Variants in STARD13 observed in about 807,000 individuals in gnomAD.
The protein encoded by STARD13 is StAR related lipid transfer domain containing 13.
STARD13 carries 62 observed loss-of-function variants against 106.4 expected under a neutral mutation model. That is an observed-to-expected ratio of 0.58 (90% CI 0.48 to 0.72). STARD13 has a LOEUF of 0.72. STARD13 is among the 30% of genes least tolerant of loss of function. STARD13 has a pLI of 0.00. For missense variants in STARD13, 1,387 were observed against 1,424.0 expected, an observed-to-expected ratio of 0.97 and a Z score of 0.42; for synonymous variants, 565 against 553.0, an observed-to-expected ratio of 1.02 and a Z score of -0.31.
At chr13:33,224,453 GT>G (rs1469534797) in intron 1 of STARD13, among the ~76,000 whole-genome samples, 1 of 152,174 alleles carries the variant, frequency 6.6e-6, no homozygotes, top group African/African-American at 2.4e-5. Flanking sequence ...GCCACTAAGG[GT>G]TGGCAGTGAG....
the STARD13 span, among the ~76,000 whole-genome samples, chr13:33,618,404 T>C: frequency 6.6e-6 from 1 of 152,200 alleles, no homozygotes; most frequent in Non-Finnish European, 1.5e-5. Context: ...GGGTAAAATA[T>C]AAAGTATGTT....
the STARD13 span, among the ~76,000 whole-genome samples, chr13:33,641,125 C>T: frequency 6.6e-6 from 1 of 152,216 alleles, no homozygotes; most frequent in Non-Finnish European, 1.5e-5. Context: ...GTGTCTAGAT[C>T]CTGCTTGGCC....
the STARD13 span, among the ~76,000 whole-genome samples, chr13:33,520,341 A>G: frequency 6.6e-6 from 1 of 152,082 alleles, no homozygotes; most frequent in African/African-American, 2.4e-5. Context: ...CACCCACACA[A>G]CTGGGCTGTG....
chr13:33,264,489 C>G (rs999017330), intron 1 of STARD13, among the ~76,000 whole-genome samples: 4 of 152,130 alleles, frequency 2.6e-5, no homozygotes, highest in African/African-American at 9.7e-5. Flanking sequence ...CATGGAGAGG[C>G]AATTAGGGTC....
At chr13:33,484,415 T>G in the STARD13 span, among the ~76,000 whole-genome samples, 4 of 152,316 alleles carry the variant, frequency 2.6e-5, no homozygotes, top group African/African-American at 9.6e-5. Context: ...AATTGACCTT[T>G]TGAGATGTCT....
chr13:33,480,756 G>T, the STARD13 span, among the ~76,000 whole-genome samples: 2 of 152,102 alleles, frequency 1.3e-5, no homozygotes, highest in African/African-American at 4.8e-5. Context: ...TAGTGTAGTA[G>T]CAATGAAATC....
the STARD13 span, among the ~76,000 whole-genome samples, chr13:33,536,552 A>T: frequency 6.6e-6 from 1 of 152,254 alleles, no homozygotes; most frequent in African/African-American, 2.4e-5. Flanking sequence ...GATAAAAATT[A>T]GATAAACATT....
chr13:33,256,683 G>A (rs914970924), intron 1 of STARD13, among the ~76,000 whole-genome samples: 1 of 152,098 alleles, frequency 6.6e-6, no homozygotes, highest in Non-Finnish European at 1.5e-5. Flanking sequence ...CAAAATGACT[G>A]CAAAAAACCT....
chr13:33,217,763 GC>G (rs1302087629), intron 1 of STARD13, among the ~76,000 whole-genome samples: 1 of 152,168 alleles, frequency 6.6e-6, no homozygotes, highest in Non-Finnish European at 1.5e-5. Context: ...TAAAAGTTAA[GC>G]TCAAAATTGT....
chr13:33,486,537 T>C, the STARD13 span, among the ~76,000 whole-genome samples: 1 of 152,222 alleles, frequency 6.6e-6, no homozygotes, highest in South Asian at 2.1e-4. Flanking sequence ...AAATATCTTA[T>C]TGTACTGTAC....
upstream of STARD13, among the ~76,000 whole-genome samples, chr13:33,288,817 A>G (rs187107345): frequency 1.2e-4 from 19 of 152,244 alleles, no homozygotes; most frequent in African/African-American, 4.3e-4. Flanking sequence ...GTCATTTTGT[A>G]TTTCCAAGGT....
At chr13:33,418,076 T>C in the STARD13 span, among the ~76,000 whole-genome samples, 1 of 142,366 alleles carries the variant, frequency 7.0e-6, no homozygotes, top group Non-Finnish European at 1.5e-5. Context: ...GTTCATCTCA[T>C]TGGTACTGGT....
intron 3 of STARD13, among the ~76,000 whole-genome samples, chr13:33,152,671 C>T (rs1045682658): frequency 6.6e-6 from 1 of 152,212 alleles, no homozygotes; most frequent in African/African-American, 2.4e-5. Context: ...CCCAGCCCAG[C>T]CCACATACCT....
chr13:33,209,865 G>A (rs1007238970), intron 1 of STARD13, among the ~76,000 whole-genome samples: 4 of 152,004 alleles, frequency 2.6e-5, no homozygotes, highest in Admixed American at 6.6e-5. Context: ...TTTAGCTATT[G>A]GGGAGGCTGA....
chr13:33,411,925 G>T, the STARD13 span, among the ~76,000 whole-genome samples: 1 of 152,084 alleles, frequency 6.6e-6, no homozygotes, highest in South Asian at 2.1e-4. Flanking sequence ...AAAAATAAAA[G>T]AATTTGTCAA....
At chr13:33,173,213 C>T (rs1221438505) in intron 1 of STARD13, among the ~76,000 whole-genome samples, 1 of 152,180 alleles carries the variant, frequency 6.6e-6, no homozygotes, top group African/African-American at 2.4e-5. Context: ...ATTTATATGG[C>T]TAAGGTAGCT....
chr13:33,179,931 T>C (rs1412253338), intron 1 of STARD13, among the ~76,000 whole-genome samples: 1 of 152,350 alleles, frequency 6.6e-6, no homozygotes, highest in Middle Eastern at 3.4e-3. Context: ...TCGTGTGAAC[T>C]CACTGCCTTC....
the STARD13 span, among the ~76,000 whole-genome samples, chr13:33,554,085 G>A: frequency 6.6e-6 from 1 of 151,754 alleles, no homozygotes; most frequent in Non-Finnish European, 1.5e-5. Flanking sequence ...CTTCACCATT[G>A]GGTATCTGGC....
the STARD13 span, among the ~76,000 whole-genome samples, chr13:33,431,056 G>C: frequency 6.6e-5 from 10 of 152,288 alleles, no homozygotes; most frequent in African/African-American, 2.2e-4. Flanking sequence ...AAAATAGCTA[G>C]AAGAGAACAA....
Sources: gnomAD v4.1 joint callset for allele counts (sites outside exome capture counted in the v4.1 genomes callset) on GRCh38, gnomAD v4.1.1 for gene constraint, MANE v1.5 for transcripts, NCBI Gene and HGNC (gene_info 2026-07-23, HGNC 2026-07-21) for gene names.